The following CCSER1 variants were observed in gnomAD, a reference collection of about 807,000 sequenced individuals.
The protein encoded by CCSER1 is coiled-coil serine rich protein 1.
In CCSER1, 41 loss-of-function variants were observed where a neutral mutation model predicts 82.0. That is an observed-to-expected ratio of 0.50 (90% CI 0.39 to 0.65). CCSER1 has a LOEUF of 0.65. Among genes scored for constraint, CCSER1 ranks in the 30% least tolerant of loss-of-function variants. The pLI, the probability that CCSER1 is intolerant of heterozygous loss-of-function variation, is 0.00. For missense variants in CCSER1, 1,119 were observed against 1,064.2 expected (o/e 1.05, Z -0.72); for synonymous variants, 414 against 383.9 (o/e 1.08, Z -0.92).
intron 6 of CCSER1, among the ~76,000 whole-genome samples, chr4:90,718,733 T>G: frequency 6.6e-6 from 1 of 152,152 alleles, no homozygotes; most frequent in East Asian, 1.9e-4. Context: ...TATTATGTAT[T>G]ATAACAATAA....
chr4:90,900,468 T>G (rs1724468450), intron 8 of CCSER1, among the ~76,000 whole-genome samples: 1 of 152,064 alleles, frequency 6.6e-6, no homozygotes, highest in African/African-American at 2.4e-5. Flanking sequence ...CTGCTTTTTC[T>G]GTGTCACAGA....
At chr4:90,142,535 G>A (rs951807322) in intron 1 of CCSER1, among the ~76,000 whole-genome samples, 1 of 152,028 alleles carries the variant, frequency 6.6e-6, no homozygotes, top group African/African-American at 2.4e-5. Flanking sequence ...ATCATATTTA[G>A]CTTTGCCAAA....
intron 10 of CCSER1, among the ~76,000 whole-genome samples, chr4:91,443,478 G>A (rs1241264770): frequency 2.9e-5 from 4 of 139,800 alleles, no homozygotes; most frequent in Non-Finnish European, 4.6e-5. Context: ...ACACAGGAAG[G>A]GGAACATCAC....
At chr4:91,464,463 A>C (rs2149435754) in intron 10 of CCSER1, among the ~76,000 whole-genome samples, 1 of 152,326 alleles carries the variant, frequency 6.6e-6, no homozygotes, top group African/African-American at 2.4e-5. Context: ...CAAAATAACC[A>C]GCTAACATCG....
intron 6 of CCSER1, among the ~76,000 whole-genome samples, chr4:90,670,881 C>T (rs550196514): frequency 2.0e-5 from 3 of 151,954 alleles, no homozygotes; most frequent in Non-Finnish European, 4.4e-5. Flanking sequence ...CCAATACAGT[C>T]ATACCTTAGA....
At chr4:91,021,625 C>T (rs964497724) in intron 9 of CCSER1, among the ~76,000 whole-genome samples, 1 of 152,068 alleles carries the variant, frequency 6.6e-6, no homozygotes, top group Non-Finnish European at 1.5e-5. Context: ...TTTCCATTAA[C>T]TTAGGCTGAA....
At chr4:91,285,414 C>T (rs921681686) in intron 10 of CCSER1, among the ~76,000 whole-genome samples, 11 of 151,210 alleles carry the variant, frequency 7.3e-5, no homozygotes, top group South Asian at 2.1e-4. Context: ...AAGCCATAAG[C>T]GGAAATATAA....
At chr4:91,182,174 C>T (rs574446427) in intron 10 of CCSER1, among the ~76,000 whole-genome samples, 10 of 152,236 alleles carry the variant, frequency 6.6e-5, no homozygotes, top group African/African-American at 9.6e-5. Context: ...ATGCTGCAAC[C>T]GAAGGGTCCT....
chr4:91,242,869 A>C (rs866508843), intron 10 of CCSER1, among the ~76,000 whole-genome samples: 1 of 152,218 alleles, frequency 6.6e-6, no homozygotes, highest in South Asian at 2.1e-4. Context: ...ATAGAAGCCT[A>C]CGTTGTTTGT....
At chr4:91,008,358 T>A (rs1738702959) in intron 9 of CCSER1, among the ~76,000 whole-genome samples, 1 of 152,210 alleles carries the variant, frequency 6.6e-6, no homozygotes, top group African/African-American at 2.4e-5. Context: ...TCTATTGATA[T>A]TTGCTTTATA....
intron 10 of CCSER1, among the ~76,000 whole-genome samples, chr4:91,540,474 C>T (rs548587739): frequency 4.4e-4 from 67 of 152,140 alleles, no homozygotes; most frequent in African/African-American, 1.5e-3. Context: ...TTATCAGATG[C>T]GTATTGAATA....
chr4:91,051,792 A>G (rs184152668), intron 9 of CCSER1, among the ~76,000 whole-genome samples: 4 of 152,300 alleles, frequency 2.6e-5, no homozygotes, highest in African/African-American at 7.2e-5. Flanking sequence ...TAGAGTGAAT[A>G]TTTTAATTTG....
intron 10 of CCSER1, among the ~76,000 whole-genome samples, chr4:91,213,284 G>A (rs1050611547): frequency 6.6e-6 from 1 of 151,784 alleles, no homozygotes; most frequent in Non-Finnish European, 1.5e-5. Flanking sequence ...ATCTAACTTT[G>A]TTTTGTTCTA....
chr4:90,789,346 C>A (rs1754931912), intron 7 of CCSER1, among the ~76,000 whole-genome samples: 1 of 152,024 alleles, frequency 6.6e-6, no homozygotes, highest in African/African-American at 2.4e-5. Flanking sequence ...TTTATTTTTT[C>A]TCTTTTGTTT....
intron 8 of CCSER1, among the ~76,000 whole-genome samples, chr4:90,835,549 A>G (rs1443071883): frequency 6.6e-6 from 1 of 152,136 alleles, no homozygotes; most frequent in African/African-American, 2.4e-5. Context: ...CTATATGTTT[A>G]GAATCACTGT....
chr4:90,369,922 A>T (rs1196234791), intron 3 of CCSER1, among the ~76,000 whole-genome samples: 2 of 152,096 alleles, frequency 1.3e-5, no homozygotes, highest in African/African-American at 2.4e-5. Flanking sequence ...TATTAGATGA[A>T]AATAAAATTC....
At chr4:91,095,756 C>G (rs772893848) in intron 10 of CCSER1, among the ~76,000 whole-genome samples, 12 of 152,066 alleles carry the variant, frequency 7.9e-5, no homozygotes, top group Non-Finnish European at 1.6e-4. Context: ...CCTTCTGAGC[C>G]CCTTTTTTCA....
intron 7 of CCSER1, among the ~76,000 whole-genome samples, chr4:90,768,336 A>G (rs1369192568): frequency 6.6e-6 from 1 of 152,212 alleles, no homozygotes. Context: ...GTTAGAATCC[A>G]ACATCATGAG....
At chr4:90,853,154 T>A (rs2149942706) in intron 8 of CCSER1, among the ~76,000 whole-genome samples, 1 of 152,292 alleles carries the variant, frequency 6.6e-6, no homozygotes, top group South Asian at 2.1e-4. Flanking sequence ...CTACCTCTGT[T>A]CATACCCTAC....
Sources: gnomAD v4.1 joint callset for allele counts (sites outside exome capture counted in the v4.1 genomes callset) on GRCh38, gnomAD v4.1.1 for gene constraint, MANE v1.5 for transcripts, NCBI Gene and HGNC (gene_info 2026-07-23, HGNC 2026-07-21) for gene names.